The following NUP153 variants were observed in gnomAD, a reference collection of about 807,000 sequenced individuals.
The protein encoded by NUP153 is nucleoporin 153, also known as nuclear pore complex protein Nup153.
A neutral mutation model predicts 134.6 loss-of-function variants in NUP153; 27 were observed. The observed-to-expected ratio is 0.20, with a 90% CI of 0.15 to 0.28. NUP153 has a LOEUF of 0.28. Ranked by LOEUF, NUP153 falls within the 10% of genes least tolerant of loss-of-function variation. NUP153 has a pLI of 1.00. For synonymous variants in NUP153, 640 were observed against 623.5 expected (o/e 1.03, Z -0.40); for missense variants, 1,821 against 1,731.3 (o/e 1.05, Z -0.92).
chr6:17,641,823 G>C (rs899042436), intron 14 of NUP153, among the ~76,000 whole-genome samples: 1 of 142,368 alleles, frequency 7.0e-6, no homozygotes, highest in African/African-American at 2.6e-5. Context: ...CTGCACTCCA[G>C]GTTGGGAGAC....
intron 1 of NUP153, among the ~76,000 whole-genome samples, chr6:17,698,461 G>A (rs774366652): frequency 1.3e-5 from 2 of 152,070 alleles, no homozygotes; most frequent in African/African-American, 4.8e-5. Context: ...GGGAGCAGCC[G>A]GGCGTGGTGG....
Position 17,616,637 on chromosome 6 carries a change from T to C in NUP153, c.4233A>G (p.Pro1411=), listed in dbSNP as rs1764345346. ...TTNFNFTNNS[P]SGVFTFGANS... ...TTGCACCAAATGTGAACACTCCTGA[T>C]GGACTGTTGTTTGTGAAGTTGAAAT... Residue 1411 remains proline, a synonymous_variant, in exon 21 of 22, where the codon CCA becomes CCG. Coordinates refer to ENST00000262077, the MANE Select transcript of NUP153 (RefSeq NM_005124.4). The C allele has an allele frequency of 6.2e-7, 1 of 1,613,786 alleles. No homozygotes were observed. Among genetic ancestry groups the C allele is most frequent in the Non-Finnish European group, 8.5e-7 (1 of 1,179,764 alleles).
intron 13 of NUP153, among the ~76,000 whole-genome samples, chr6:17,646,584 A>C (rs182219097): frequency 6.6e-6 from 1 of 152,304 alleles, no homozygotes; most frequent in African/African-American, 2.4e-5. Flanking sequence ...ATATTTCACT[A>C]TCTCTAAAAG....
At chr6:17,616,204 A>C (rs757253210) in intron 21 of NUP153, 23 bp from the exon 22 acceptor site, 1 of 1,440,652 alleles carries the variant, frequency 6.9e-7, no homozygotes, top group South Asian at 1.1e-5. Context: ...AAAACTTCAT[A>C]ATGTGACATG....
intron 11 of NUP153, among the ~76,000 whole-genome samples, chr6:17,660,956 G>C (rs575341772): frequency 7.0e-4 from 106 of 152,190 alleles, no homozygotes; most frequent in Middle Eastern, 3.4e-3. Flanking sequence ...TATATAAGCA[G>C]TGAAATTAAA....
At chr6:17,661,898 G>C (rs1767208873) in intron 10 of NUP153, 119 bp from the exon 11 acceptor site, 1 of 1,289,342 alleles carries the variant, frequency 7.8e-7, no homozygotes, top group African/African-American at 1.5e-5. Context: ...TAAAATCTTA[G>C]ATTTCTTTAT....
intron 7 of NUP153, 107 bp downstream of exon 7, chr6:17,669,186 C>T (rs1767742237): frequency 3.6e-6 from 4 of 1,099,690 alleles, no homozygotes; most frequent in Non-Finnish European, 5.3e-6. Flanking sequence ...TCAAGTGATT[C>T]TCCTGCCTCA....
chr6:17,694,345 A>G (rs1769488663), intron 1 of NUP153, among the ~76,000 whole-genome samples: 1 of 152,170 alleles, frequency 6.6e-6, no homozygotes, highest in South Asian at 2.1e-4. Context: ...TTTTACAGAG[A>G]TGAAGGTTGG....
At chr6:17,673,917 A>G (rs1385989043) in intron 5 of NUP153, among the ~76,000 whole-genome samples, 1 of 152,248 alleles carries the variant, frequency 6.6e-6, no homozygotes, top group Non-Finnish European at 1.5e-5. Context: ...AGCTTCATTC[A>G]TAATTGCCAG....
At chr6:17,693,431 A>G (rs1769409712) in intron 1 of NUP153, among the ~76,000 whole-genome samples, 1 of 151,966 alleles carries the variant, frequency 6.6e-6, no homozygotes, top group African/African-American at 2.4e-5. Context: ...CTCCAAAACT[A>G]CCACTCCAGC....
At chr6:17,651,702 T>C in intron 11 of NUP153, 2 of 389,054 alleles carry the variant, frequency 5.1e-6, no homozygotes, top group Non-Finnish European at 4.6e-6. Context: ...AAAAGTTTTT[T>C]TTAAAAGGAC....
chr6:17,685,924 G>A (rs921636480), intron 2 of NUP153, among the ~76,000 whole-genome samples: 4 of 152,130 alleles, frequency 2.6e-5, no homozygotes, highest in Non-Finnish European at 4.4e-5. Context: ...AAGGCAGGAG[G>A]CTCACTTGAG....
rs950481061 is a variant in NUP153, at chr6:17,706,891, C to CT, written c.-505dup. The CT allele has an allele frequency of 1.3e-5, 2 of 159,082 alleles. No homozygotes were observed. Among genetic ancestry groups the CT allele is most frequent in the Non-Finnish European group, 2.8e-5 (2 of 71,946 alleles). 9.9% of individuals were successfully genotyped at this position (159,082 alleles called of 1,614,324 possible). On this transcript the variant is annotated 5_prime_UTR_variant, in exon 1 of 22. Transcript: ENST00000262077. This position sits in a 1 kb window ranked among gnomAD's most constrained non-coding sequence, Gnocchi z 5.9. Reference sequence around the variant, plus strand: ...TCCGCCGCCGTTGCGCCTATTACCCCTGCTAAGGCGGCTGCCGCGGTCGCG... The same window carrying CT: ...TCCGCCGCCGTTGCGCCTATTACCCCTTGCTAAGGCGGCTGCCGCGGTCGCG...
chr6:17,638,072 C>A lies in NUP153; in HGVS notation c.1847-302G>T, dbSNP rs771091681. ...ATTTACTGATATGTATTATTGCCAT[C>A]CACATTTTGCTATATTCTGTCTCTC... On this transcript the variant is annotated intron_variant, in intron 15 of 21. Transcript: ENST00000262077. The surrounding 1 kb of genome is among the most constrained non-coding windows in gnomAD (Gnocchi z 4.0). Among the ~76,000 whole-genome samples the A allele has an allele frequency of 5.9e-5, 9 of 152,178 alleles. No homozygotes were observed. Among genetic ancestry groups the A allele is most frequent in the Non-Finnish European group, 1.3e-4 (9 of 68,040 alleles).
At chr6:17,619,382 T>A (rs1055686963) in intron 20 of NUP153, among the ~76,000 whole-genome samples, 3 of 152,108 alleles carry the variant, frequency 2.0e-5, no homozygotes, top group African/African-American at 7.2e-5. Context: ...AGGAAAGACA[T>A]GACACCCAGG....
intron 9 of NUP153, among the ~76,000 whole-genome samples, chr6:17,662,704 T>C (rs1767265231): frequency 6.6e-6 from 1 of 152,186 alleles, no homozygotes; most frequent in Admixed American, 6.5e-5. Flanking sequence ...CACCACTTTA[T>C]GTAATAACCA....
At chr6:17,646,922 T>C (rs1343962756) in intron 13 of NUP153, among the ~76,000 whole-genome samples, 2 of 149,212 alleles carry the variant, frequency 1.3e-5, no homozygotes, top group East Asian at 2.0e-4. Context: ...TATTTTCTTT[T>C]TTTTTTTTTT....
chr6:17,646,408 G>GT (rs1660426286), intron 13 of NUP153, among the ~76,000 whole-genome samples: 1 of 152,000 alleles, frequency 6.6e-6, no homozygotes, highest in African/African-American at 2.4e-5. Context: ...GGGTTTCACT[G>GT]TGTTAGCCAG....
At chr6:17,632,110 T>G (rs1383064633) in intron 17 of NUP153, among the ~76,000 whole-genome samples, 1 of 152,088 alleles carries the variant, frequency 6.6e-6, no homozygotes, top group Non-Finnish European at 1.5e-5. Flanking sequence ...TGTATCGCTT[T>G]TAATTTAGAG....
Sources: allele counts gnomAD v4.1 joint callset (sites outside exome capture counted in the v4.1 genomes callset), GRCh38; gene constraint gnomAD v4.1.1; non-coding constraint Gnocchi (gnomAD v3.1); transcripts MANE v1.5; gene names NCBI Gene and HGNC (gene_info 2026-07-23, HGNC 2026-07-21).